TNFSF18: variants seen among roughly 807,000 people sequenced by gnomAD.
TNFSF18 encodes the protein TNF superfamily member 18, also known as tumor necrosis factor ligand superfamily member 18.
TNFSF18 carries 6 observed loss-of-function variants against 9.6 expected under a neutral mutation model. The observed-to-expected ratio is 0.63, with a 90% confidence interval of 0.34 to 1.24. The LOEUF is 1.24. Ranked by LOEUF, TNFSF18 falls within the 50% of genes most tolerant of loss-of-function variation. TNFSF18 has a pLI of 0.03. For missense variants in TNFSF18, 210 were observed against 201.0 expected, an observed-to-expected ratio of 1.04 and a Z score of -0.27; for synonymous variants, 68 against 71.7, an observed-to-expected ratio of 0.95 and a Z score of 0.26.
intron 1 of TNFSF18, among the ~76,000 whole-genome samples, chr1:173,044,261 C>CA (rs961284581): frequency 4.0e-5 from 6 of 151,676 alleles, no homozygotes; most frequent in Non-Finnish European, 7.4e-5. Context: ...TCGGACCCCC[C>CA]CCCCAACCTT....
intron 2 of TNFSF18, among the ~76,000 whole-genome samples, chr1:173,042,699 A>G (rs1665011739): frequency 1.3e-5 from 2 of 152,118 alleles, no homozygotes; most frequent in South Asian, 2.1e-4. Context: ...TTTGCACAGC[A>G]GTGTGATCTC....
intron 1 of TNFSF18, among the ~76,000 whole-genome samples, chr1:173,047,135 A>G (rs1298846667): frequency 1.3e-5 from 2 of 152,084 alleles, no homozygotes; most frequent in African/African-American, 4.8e-5. Flanking sequence ...ACCTCAAGCA[A>G]TCTACCCGCC....
rs761534855 is a variant in TNFSF18 at position 173,041,252 on chromosome 1, T to C, written c.*115A>G. On this transcript the variant is annotated 3_prime_UTR_variant, in exon 3 of 3. Transcript: ENST00000404377. ...AAAATTCACGTGCAGAGGAGTTCTG[T>C]TTGTGTTGATTTTTGTAGACAGACA... 7 of 846,452 alleles carry C rather than the reference T, an allele frequency of 8.3e-6. No individual in the cohort carries two copies. Among genetic ancestry groups the C allele is most frequent in the South Asian group, 1.9e-5 (1 of 53,346 alleles). 52.4% of individuals were successfully genotyped at this position (846,452 alleles called of 1,614,324 possible).
In TNFSF18 at chr1:173,041,676, T is replaced by A. The variant is rs774511383; in HGVS notation, c.225A>T (p.Glu75Asp). Residue 75 changes from glutamate to aspartate, a missense_variant, in exon 3 of 3, where the codon GAA becomes GAT. Coordinates refer to ENST00000404377, the MANE Select transcript of TNFSF18 (RefSeq NM_005092.4). ...CAGACACCTTATTCACGCAAGGAGGTTCAGAAGATGCCATTTGCCATTTTG... is the reference window on the plus strand; with the variant it reads ...CAGACACCTTATTCACGCAAGGAGGATCAGAAGATGCCATTTGCCATTTTG... ...LPSKWQMASS[E>D]PPCVNKVSDW... 2.5e-6 allele frequency: 4 copies of A among 1,609,332 alleles called. No homozygotes were observed. The highest frequency in any genetic ancestry group is 3.4e-6 in the Non-Finnish European group (4 of 1,177,540).
intron 2 of TNFSF18, among the ~76,000 whole-genome samples, chr1:173,042,570 T>C (rs1202499852): frequency 6.6e-6 from 1 of 152,110 alleles, no homozygotes; most frequent in East Asian, 1.9e-4. Flanking sequence ...AACTTGACTA[T>C]TTAAATATAA....
Position 173,050,847 on chromosome 1 carries a change from T to A in TNFSF18, c.50A>T (p.Gln17Leu). Residue 17 changes from glutamine to leucine, a missense_variant, in exon 1 of 3, where the codon CAA becomes CTA. Gln to Leu is a moderately radical substitution (Grantham distance 113). Coordinates refer to ENST00000404377, the MANE Select transcript of TNFSF18 (RefSeq NM_005092.4). Reference sequence around the variant, plus strand: ...CTTCCAGGATGATCTCTGAGCTCCTTGAGTTCTTGAATGGCTTAAAGGCAT... The same window carrying A: ...CTTCCAGGATGATCTCTGAGCTCCTAGAGTTCTTGAATGGCTTAAAGGCAT... Reference protein sequence around the residue: ...ENMPLSHSRTQGAQRSSWKLW... With the variant: ...ENMPLSHSRTLGAQRSSWKLW... 6.2e-7 allele frequency: 1 copy of A among 1,613,800 alleles called. No individual in the cohort carries two copies.
At chr1:173,049,696 G>A (rs1466968487) in intron 1 of TNFSF18, among the ~76,000 whole-genome samples, 5 of 152,258 alleles carry the variant, frequency 3.3e-5, no homozygotes, top group Admixed American at 6.5e-5. Flanking sequence ...GTTCCCTTAA[G>A]AAAAGTGTTT....
intron 1 of TNFSF18, 41 bp from the exon 2 acceptor site, chr1:173,044,010 A>G: frequency 6.3e-7 from 1 of 1,577,176 alleles, no homozygotes; most frequent in South Asian, 1.1e-5. Flanking sequence ...GGATGATGAC[A>G]GTGTCATTAA....
rs1664971835 is a variant in TNFSF18 at position 173,040,475 on chromosome 1, A to C, written c.*892T>G. The C allele has an allele frequency of 6.6e-6, 1 of 152,168 alleles. No homozygotes were observed. The highest frequency in any genetic ancestry group is 2.4e-5 in the African/African-American group (1 of 41,446). 9.4% of individuals were successfully genotyped at this position (152,168 alleles called of 1,614,324 possible). A position where few individuals can be genotyped will look rare whatever the true frequency, so the allele number is the denominator to read the frequency against. ...CTATGCTATCACATTCTCATCACTA[A>C]AATTTTCCCCCAAATGCCTGCCCAA... On this transcript the variant is annotated 3_prime_UTR_variant, in exon 3 of 3. Coordinates refer to ENST00000404377, the MANE Select transcript of TNFSF18 (RefSeq NM_005092.4).
Position 173,043,972 on chromosome 1 carries a change from G to GT in TNFSF18, c.157-4dup. 6.2e-7 allele frequency: 1 copy of GT among 1,611,940 alleles called. No homozygotes were observed. Among genetic ancestry groups the GT allele is most frequent in the South Asian group, 1.1e-5 (1 of 91,020 alleles). On this transcript the variant is annotated splice_polypyrimidine_tract_variant and splice_region_variant and intron_variant, in intron 1 of 2. Coordinates refer to ENST00000404377, the MANE Select transcript of TNFSF18 (RefSeq NM_005092.4). Reference sequence around the variant, plus strand: ...GCCATACAGGGCTCCTTAGCAGTCTGTTGGGGAAATAAAAGATGAATTGAT... The same window carrying GT: ...GCCATACAGGGCTCCTTAGCAGTCTGTTTGGGGAAATAAAAGATGAATTGAT...
chr1:173,041,650 T>A lies in TNFSF18; in HGVS notation c.251A>T (p.Asp84Val). Residue 84 changes from aspartate (D) to valine (V), a missense_variant, in exon 3 of 3, where the codon GAC (aspartate) becomes GTC (valine). Physicochemically the swap from Asp to Val is radical, Grantham distance 152 (BLOSUM62 -3). Transcript: ENST00000404377. ...ATTCTGAAGTATCTCCAGCTTCCAG[T>A]CAGACACCTTATTCACGCAAGGAGG... ...SEPPCVNKVS[D>V]WKLEILQNGL... 1 of 1,613,506 alleles carries A rather than the reference T, an allele frequency of 6.2e-7. No homozygotes were observed. Among genetic ancestry groups the A allele is most frequent in the East Asian group, 2.2e-5 (1 of 44,882 alleles).
chr1:173,046,899 TTGTTG>T (rs201337590), intron 1 of TNFSF18, among the ~76,000 whole-genome samples: 3 of 129,728 alleles, frequency 2.3e-5, no homozygotes, highest in East Asian at 1.1e-3. Flanking sequence ...GTTGTTGTTG[TTGTTG>T]TTTTTTGAGA....
chr1:173,041,559 C>A lies in TNFSF18; in HGVS notation c.342G>T (p.Glu114Asp). 1 of 1,613,470 alleles carries A rather than the reference C, an allele frequency of 6.2e-7. No individual in the cohort carries two copies. Among genetic ancestry groups the A allele is most frequent in the East Asian group, 2.2e-5 (1 of 44,870 alleles). The change falls in exon 3 of 3, where the codon GAG becomes GAT. Residue 114 changes from glutamate (E) to aspartate (D), a missense_variant. Coordinates refer to ENST00000404377, the MANE Select transcript of TNFSF18 (RefSeq NM_005092.4). ...TGTCTTTGTTTTTATACAGCCGCAC[C>A]TCAAAAGGAGCTACATCATTGTAGT... is the stretch of plus-strand genomic sequence containing the variant. ...NANYNDVAPF[E>D]VRLYKNKDMI... is the part of the protein sequence containing the mutation.
intron 2 of TNFSF18, among the ~76,000 whole-genome samples, chr1:173,043,143 A>T (rs775808311): frequency 1.2e-4 from 19 of 152,124 alleles, no homozygotes; most frequent in Admixed American, 5.2e-4. Flanking sequence ...CATGCATTCC[A>T]TTCCACTTAT....
intron 1 of TNFSF18, among the ~76,000 whole-genome samples, chr1:173,050,306 C>G (rs1665148845): frequency 6.6e-6 from 1 of 152,142 alleles, no homozygotes; most frequent in Non-Finnish European, 1.5e-5. Flanking sequence ...TCCTCAAAGA[C>G]ACACAAACCA....
rs569150779 is a variant in TNFSF18 at position 173,039,556 on chromosome 1, C to A, written c.*1811G>T. Among the ~76,000 whole-genome samples the A allele has an allele frequency of 6.6e-6, 1 of 152,014 alleles. No homozygotes were observed. Reference sequence around the variant, plus strand: ...TTTGCCAATTTACATGGTATAAATACTCCCACCATAGCCAATTTCAAGAAT... The same window carrying A: ...TTTGCCAATTTACATGGTATAAATAATCCCACCATAGCCAATTTCAAGAAT... On this transcript the variant is annotated 3_prime_UTR_variant, in exon 3 of 3. Transcript: ENST00000404377.
At chr1:173,049,791 A>G (rs2101929042) in intron 1 of TNFSF18, among the ~76,000 whole-genome samples, 1 of 152,316 alleles carries the variant, frequency 6.6e-6, no homozygotes, top group Non-Finnish European at 1.5e-5. Context: ...TTTAGCCAGA[A>G]ATAGGCTAAA....
At chr1:173,048,945 C>T (rs1393785736) in intron 1 of TNFSF18, among the ~76,000 whole-genome samples, 2 of 152,202 alleles carry the variant, frequency 1.3e-5, no homozygotes, top group South Asian at 2.1e-4. Context: ...TATGGTTGGC[C>T]AGGCCACTGG....
At chr1:173,047,069 A>AT (rs1159015659) in intron 1 of TNFSF18, among the ~76,000 whole-genome samples, 1 of 151,112 alleles carries the variant, frequency 6.6e-6, no homozygotes, top group Non-Finnish European at 1.5e-5. Flanking sequence ...TTTTTTTTGT[A>AT]TTTTTTTGTA....
Sources: allele counts gnomAD v4.1 joint callset (sites outside exome capture counted in the v4.1 genomes callset), GRCh38; gene constraint gnomAD v4.1.1; transcripts MANE v1.5; gene names NCBI Gene and HGNC (gene_info 2026-07-23, HGNC 2026-07-21).